ADCYAP1: variants seen among roughly 807,000 people sequenced by gnomAD.
ADCYAP1 encodes adenylate cyclase activating polypeptide 1, also known as pituitary adenylate cyclase-activating polypeptide.
Under a neutral mutation model 18.5 loss-of-function variants are expected in ADCYAP1, and 6 were observed. The observed-to-expected ratio is 0.32, with a 90% CI of 0.18 to 0.64. The LOEUF is 0.64. Among genes scored for constraint, ADCYAP1 ranks in the 30% least tolerant of loss-of-function variants. ADCYAP1 has a pLI of 0.77. For synonymous variants in ADCYAP1, 136 were observed against 113.9 expected, an observed-to-expected ratio of 1.19 and a Z score of -1.24; for missense variants, 314 against 253.6, an observed-to-expected ratio of 1.24 and a Z score of -1.62.
At chr18:909,274 T>C (rs1168566157) in intron 4 of ADCYAP1, among the ~76,000 whole-genome samples, 172 bp from the exon 5 acceptor site, 1 of 152,140 alleles carries the variant, frequency 6.6e-6, no homozygotes, top group Non-Finnish European at 1.5e-5. Flanking sequence ...GGGGCTGCCG[T>C]CTCGGCCCTC....
Position 910,132 on chromosome 18 carries a change from GGGA to G in ADCYAP1, c.*499_*501del, listed in dbSNP as rs1295448376. 6.6e-6 allele frequency: 1 copy of G among 152,512 alleles called. No individual in the cohort carries two copies. Among genetic ancestry groups the G allele is most frequent in the Non-Finnish European group, 1.5e-5 (1 of 68,034 alleles). 9.4% of individuals were successfully genotyped at this position (152,512 alleles called of 1,614,324 possible). ...ACATAAACAATGATGCCCTGCTCCA[GGGA>G]GATTTTGAGGTAAAGATATGGAGAA... On this transcript the variant is annotated 3_prime_UTR_variant, in exon 5 of 5. Coordinates refer to ENST00000450565, the MANE Select transcript of ADCYAP1 (RefSeq NM_001099733.2).
At chr18:907,890 T>TC (rs1181111115) in intron 3 of ADCYAP1, 100 bp downstream of exon 3, 9 of 944,444 alleles carry the variant, frequency 9.5e-6, no homozygotes, top group African/African-American at 1.8e-5. Flanking sequence ...TTTTTTTTTT[T>TC]CCCGTGAAAG....
chr18:908,661 G>A (rs1347923711), intron 4 of ADCYAP1, among the ~76,000 whole-genome samples: 1 of 152,186 alleles, frequency 6.6e-6, no homozygotes, highest in East Asian at 1.9e-4. Context: ...AGGCTTCCAG[G>A]GAGGTTTTGC....
At position 904,877 on chromosome 18, in the gene ADCYAP1, C is replaced by G. The variant is rs769101889; in HGVS notation, c.-185C>G. ...CGTCTACAAACTTTTGAGCAGAACA[C>G]GAGCCTCGGCAAACGAGTCCCGCAG... is the stretch of plus-strand genomic sequence containing the variant. On this transcript the variant is annotated 5_prime_UTR_variant, in exon 1 of 5. Transcript: ENST00000450565. 3 of 1,287,028 alleles carry G rather than the reference C, an allele frequency of 2.3e-6. No homozygotes were observed. The highest frequency in any genetic ancestry group is 2.1e-4 in the Middle Eastern group (1 of 4,710). The allele number at this position is 1,287,028 out of a possible 1,614,324, so 79.7% of individuals were successfully genotyped here.
At chr18:904,591 G>C, upstream of ADCYAP1, 1 of 1,272,128 alleles carries the variant, frequency 7.9e-7, no homozygotes, top group South Asian at 1.3e-5. Context: ...AGAGACCTCG[G>C]AGCAGAGAAG....
Position 909,473 on chromosome 18 carries a change from C to A in ADCYAP1, c.369C>A (p.Asp123Glu), listed in dbSNP as rs763972860. Reference protein sequence around the residue: ...VGGSLGGGAGDDAEPLSKRHS... With the variant: ...VGGSLGGGAGEDAEPLSKRHS... The stretch of plus-strand genomic sequence containing the variant: ...GGAGCCTCGGCGGCGGCGCGGGGGA[C>A]GACGCGGAGCCGCTCTCCAAGCGCC... Residue 123 changes from aspartate to glutamate, a missense_variant, in exon 5 of 5, where the codon GAC (aspartate) becomes GAA (glutamate). By Grantham distance (45) the Asp-to-Glu change is conservative. Coordinates refer to ENST00000450565, the MANE Select transcript of ADCYAP1 (RefSeq NM_001099733.2). 53 of 1,612,134 alleles carry A rather than the reference C, an allele frequency of 3.3e-5. No homozygotes were observed. The highest frequency in any genetic ancestry group is 2.9e-4 in the African/African-American group (22 of 74,874).
intron 3 of ADCYAP1, 122 bp downstream of exon 3, chr18:907,912 G>A: frequency 7.3e-7 from 1 of 1,366,892 alleles, no homozygotes; most frequent in Non-Finnish European, 9.4e-7. Flanking sequence ...CCTCAAGCCT[G>A]TCCTCTCCCT....
intron 2 of ADCYAP1, chr18:906,314 A>C (rs2846812): frequency 6.6e-6 from 1 of 152,292 alleles, no homozygotes; most frequent in Non-Finnish European, 1.5e-5. Context: ...AGAGTCGCGG[A>C]CCGATGTGCC....
rs567136537 is a variant in ADCYAP1 at position 910,775 on chromosome 18, C to T, written c.*1140C>T. On this transcript the variant is annotated 3_prime_UTR_variant, in exon 5 of 5. Transcript: ENST00000450565. ...CCTGCTCTGTAGGAGCTACCCTTTT[C>T]CTTTGTGGTTTTATGGAGACCTCTC... 2.6e-5 allele frequency: 4 copies of T among 152,338 alleles called. No individual in the cohort carries two copies. Among genetic ancestry groups the T allele is most frequent in the Admixed American group, 2.6e-4 (4 of 15,306 alleles). 9.4% of individuals were successfully genotyped at this position (152,338 alleles called of 1,614,324 possible).
intron 2 of ADCYAP1, chr18:905,900 G>C (rs941676377): frequency 4.4e-6 from 1 of 227,650 alleles, no homozygotes. Flanking sequence ...AAGCTCCCTC[G>C]GACTTTGCTT....
At position 907,765 on chromosome 18, in the gene ADCYAP1, G is replaced by A. The variant is rs1400924731; in HGVS notation, c.217G>A (p.Ala73Thr). ...SPASAPRAAA[A>T]WYRPAGRRDV... ...CGCCTCCGCGCCGCGCGCCGCCGCCGCCTGGTACCGCCCGGCCGGGAGAAG... is the reference window on the plus strand; with the variant it reads ...CGCCTCCGCGCCGCGCGCCGCCGCCACCTGGTACCGCCCGGCCGGGAGAAG... Residue 73 changes from alanine to threonine, a missense_variant, in exon 3 of 5, where the codon GCC (alanine) becomes ACC (threonine). By Grantham distance (58) the Ala-to-Thr change is moderately conservative. Transcript: ENST00000450565. The A allele has an allele frequency of 2.0e-6, 3 of 1,468,672 alleles. No individual in the cohort carries two copies. The highest frequency in any genetic ancestry group is 2.6e-5 in the Admixed American group (1 of 38,510). The allele number at this position is 1,468,672 out of a possible 1,614,324, so 91.0% of individuals were successfully genotyped here.
rs1909317195 is a variant in ADCYAP1 at position 909,748 on chromosome 18, A to AT, written c.*114dup. On this transcript the variant is annotated 3_prime_UTR_variant, in exon 5 of 5. Transcript: ENST00000450565. ...TTCTATCCAAACATGTATTTATGTA[A>AT]TGAAGTAAAGCCATTAAATGAATAT... is the stretch of plus-strand genomic sequence containing the variant. The AT allele has an allele frequency of 1.1e-6, 1 of 918,768 alleles. No homozygotes were observed. The highest frequency in any genetic ancestry group is 2.6e-5 in the South Asian group (1 of 38,868). 56.9% of individuals were successfully genotyped at this position (918,768 alleles called of 1,614,324 possible).
rs890490675 is a variant in ADCYAP1 at position 905,610 on chromosome 18, C to T, written c.110+114C>T. 3.2e-6 allele frequency: 4 copies of T among 1,245,090 alleles called. No individual in the cohort carries two copies. The African/African-American group carries it at 4.5e-5, about 14-fold the overall frequency. The allele number at this position is 1,245,090 out of a possible 1,614,324, so 77.1% of individuals were successfully genotyped here. On this transcript the variant is annotated intron_variant, in intron 2 of 4. Coordinates refer to ENST00000450565, the MANE Select transcript of ADCYAP1 (RefSeq NM_001099733.2). ...TCCAGACTACTAGCATCGCCCTCTG[C>T]GCCCCCGGTGCGCCTCCGCCAGCCT...
Position 911,986 on chromosome 18 carries a change from A to G in ADCYAP1, c.*2351A>G, listed in dbSNP as rs1172757453. 3 of 152,226 alleles carry G rather than the reference A, an allele frequency of 2.0e-5. No homozygotes were observed. Among genetic ancestry groups the G allele is most frequent in the Admixed American group, 2.0e-4 (3 of 15,286 alleles). The allele number at this position is 152,226 out of a possible 1,614,324, so 9.4% of individuals were successfully genotyped here. On this transcript the variant is annotated 3_prime_UTR_variant, in exon 5 of 5. Transcript: ENST00000450565. ...AATGCCAAGAGCCTTACTAAACTGA[A>G]GCAGATTTATGATATAGTGATAATT... is the stretch of plus-strand genomic sequence containing the variant.
chr18:910,268 C>T lies in ADCYAP1; in HGVS notation c.*633C>T, dbSNP rs955111876. 1.6e-4 allele frequency: 25 copies of T among 152,392 alleles called. No homozygotes were observed. The highest frequency in any genetic ancestry group is 5.8e-4 in the African/African-American group (24 of 41,452). 9.4% of individuals were successfully genotyped at this position (152,392 alleles called of 1,614,324 possible). ...TGGTTGGGTGGCAATTCCAATATTT[C>T]TGCTTTCTTTGATTCTCCTTTTATG... is the stretch of plus-strand genomic sequence containing the variant. On this transcript the variant is annotated 3_prime_UTR_variant, in exon 5 of 5. Coordinates refer to ENST00000450565, the MANE Select transcript of ADCYAP1 (RefSeq NM_001099733.2).
chr18:907,759 G>A lies in ADCYAP1; in HGVS notation c.211G>A (p.Ala71Thr). The change falls in exon 3 of 5, where the codon GCC becomes ACC. Residue 71 changes from alanine to threonine, a missense_variant. Ala to Thr is a moderately conservative substitution (Grantham distance 58). Transcript: ENST00000450565. ...GAGCCCCGCCTCCGCGCCGCGCGCCGCCGCCGCCTGGTACCGCCCGGCCGG... is the reference window on the plus strand; with the variant it reads ...GAGCCCCGCCTCCGCGCCGCGCGCCACCGCCGCCTGGTACCGCCCGGCCGG... The part of the protein sequence containing the change: ...AGSPASAPRA[A>T]AAWYRPAGRR... 1 of 1,497,600 alleles carries A rather than the reference G, an allele frequency of 6.7e-7. No individual in the cohort carries two copies. 92.8% of individuals were successfully genotyped at this position (1,497,600 alleles called of 1,614,324 possible).
chr18:907,854 G>A (rs1432526550), intron 3 of ADCYAP1, 64 bp downstream of exon 3: 150 of 1,408,100 alleles, frequency 1.1e-4, no homozygotes, highest in Non-Finnish European at 1.4e-4. Context: ...TGACGGGAGG[G>A]GCAGTGTGGT....
intron 3 of ADCYAP1, 21 bp from the exon 4 acceptor site, chr18:908,244 C>T (rs780064378): frequency 3.1e-6 from 5 of 1,599,740 alleles, no homozygotes; most frequent in African/African-American, 2.7e-5. Flanking sequence ...ACCCTGGGCG[C>T]GCACTTTGCC....
chr18:909,449 G>A lies in ADCYAP1; in HGVS notation c.345G>A (p.Gly115=). The part of the protein sequence containing the change: ...LQSLVARGVG[G]SLGGGAGDDA... ...TTCCCGACCCCTTTGCTTGCAGTGG[G>A]AGCCTCGGCGGCGGCGCGGGGGACG... The change falls in exon 5 of 5, where the codon GGG becomes GGA. Residue 115 remains glycine (G), a synonymous_variant. Transcript: ENST00000450565. 1 of 1,611,300 alleles carries A rather than the reference G, an allele frequency of 6.2e-7. No homozygotes were observed. Among genetic ancestry groups the A allele is most frequent in the Non-Finnish European group, 8.5e-7 (1 of 1,179,284 alleles).
Sources: gnomAD v4.1 joint callset for allele counts (sites outside exome capture counted in the v4.1 genomes callset) on GRCh38, gnomAD v4.1.1 for gene constraint, MANE v1.5 for transcripts, NCBI Gene and HGNC (gene_info 2026-07-23, HGNC 2026-07-21) for gene names.